Variants in SMCHD1 observed in about 807,000 individuals in gnomAD.
The protein encoded by SMCHD1 is structural maintenance of chromosomes flexible hinge domain containing 1, also known as structural maintenance of chromosomes flexible hinge domain-containing protein 1.
Under a neutral mutation model 254.7 loss-of-function variants are expected in SMCHD1, and 78 were observed. That is an observed-to-expected ratio of 0.31 (90% CI 0.26 to 0.37). SMCHD1 has a LOEUF of 0.37. SMCHD1 is among the 10% of genes least tolerant of loss of function. The probability of loss-of-function intolerance (pLI) is 1.00; values close to 1 mark genes in which losing one functional copy is unlikely to be tolerated. For missense variants in SMCHD1, 1,840 were observed against 2,408.1 expected, an observed-to-expected ratio of 0.76 and a Z score of 4.94; for synonymous variants, 766 against 794.9, an observed-to-expected ratio of 0.96 and a Z score of 0.61.
chr18:2,774,065 T>C (rs1420039853), intron 41 of SMCHD1, among the ~76,000 whole-genome samples: 2 of 152,226 alleles, frequency 1.3e-5, no homozygotes, highest in Admixed American at 1.3e-4. Flanking sequence ...CATTTCTTCC[T>C]TAATTCCAAA....
rs776456103 is a variant in SMCHD1 at position 2,750,063 on chromosome 18, G to T, written c.3948G>T (p.Gln1316His). The change falls in exon 31 of 48, where the codon CAG becomes CAT. Residue 1316 changes from glutamine to histidine, a missense_variant. Coordinates refer to ENST00000320876, the MANE Select transcript of SMCHD1 (RefSeq NM_015295.3). ...TTTAGCTCATGCCTTCAAACCAACAGCATAAAACAGATGAGAAAGGCAGGG... is the reference window on the plus strand; with the variant it reads ...TTTAGCTCATGCCTTCAAACCAACATCATAAAACAGATGAGAAAGGCAGGG... ...SNLKLMPSNQ[Q>H]HKTDEKGRAN... is the part of the protein sequence containing the mutation. 4 of 1,570,808 alleles carry T rather than the reference G, an allele frequency of 2.5e-6. No individual in the cohort carries two copies. The highest frequency in any genetic ancestry group is 3.5e-6 in the Non-Finnish European group (4 of 1,156,170).
chr18:2,707,541 T>G, intron 15 of SMCHD1, 22 bp from the exon 16 acceptor site: 1 of 1,485,696 alleles, frequency 6.7e-7, no homozygotes, highest in South Asian at 1.2e-5. Context: ...TGTGGAACAT[T>G]AATATGCTGG....
chr18:2,795,623 A>C (rs977790311), intron 45 of SMCHD1, among the ~76,000 whole-genome samples: 1 of 152,234 alleles, frequency 6.6e-6, no homozygotes, highest in Non-Finnish European at 1.5e-5. Flanking sequence ...ACATGGAATT[A>C]TATTGAATAC....
At chr18:2,660,476 T>G (rs969444837) in intron 1 of SMCHD1, among the ~76,000 whole-genome samples, 1 of 148,664 alleles carries the variant, frequency 6.7e-6, no homozygotes, top group Non-Finnish European at 1.5e-5. Flanking sequence ...TCCATGGTTT[T>G]TTTTTTTTTT....
intron 17 of SMCHD1, among the ~76,000 whole-genome samples, chr18:2,714,054 C>T (rs570752118): frequency 3.9e-5 from 6 of 152,140 alleles, no homozygotes; most frequent in Non-Finnish European, 5.9e-5. Flanking sequence ...TTTGTTGCAA[C>T]GTTTTCTATC....
At chr18:2,758,929 T>C (rs905709140) in intron 34 of SMCHD1, among the ~76,000 whole-genome samples, 1 of 152,170 alleles carries the variant, frequency 6.6e-6, no homozygotes, top group Non-Finnish European at 1.5e-5. Context: ...TGCCATTCTT[T>C]TACCTCTCTT....
intron 17 of SMCHD1, among the ~76,000 whole-genome samples, chr18:2,711,047 G>T (rs1278184478): frequency 7.9e-5 from 12 of 152,068 alleles, no homozygotes; most frequent in African/African-American, 2.9e-4. Flanking sequence ...CACAGTCGTG[G>T]CTTACTGCAG....
At chr18:2,662,517 C>T (rs1056934432) in intron 1 of SMCHD1, among the ~76,000 whole-genome samples, 10 of 151,720 alleles carry the variant, frequency 6.6e-5, no homozygotes, top group East Asian at 1.9e-4. Flanking sequence ...TGGTGGCACA[C>T]GCCTGTAGTC....
rs78255850 is a variant in SMCHD1 at position 2,694,281 on chromosome 18, T to G, written c.874-246T>G. 7.2e-4 allele frequency among the ~76,000 whole-genome samples: 110 copies of G among 152,344 alleles called. 1 individual carries two copies. The highest frequency in any genetic ancestry group is 5.8e-3 in the South Asian group (28 of 4,828). ...TTTTCGTTTATGATTCTAAAATCGG[T>G]TTAGCATTATAAGATAGGGTGCTCT... On this transcript the variant is annotated intron_variant, in intron 7 of 47. Coordinates refer to ENST00000320876, the MANE Select transcript of SMCHD1 (RefSeq NM_015295.3).
In SMCHD1 at chr18:2,694,528, C is replaced by T; in HGVS notation, c.875C>T (p.Pro292Leu). The T allele has an allele frequency of 1.3e-6, 2 of 1,572,898 alleles. No individual in the cohort carries two copies. The highest frequency in any genetic ancestry group is 1.7e-6 in the Non-Finnish European group (2 of 1,156,218). The change falls in exon 8 of 48, where the codon CCC becomes CTC. Residue 292 changes from proline to leucine, a missense_variant and splice_region_variant. Pro to Leu is a moderately conservative substitution (Grantham distance 98). Around this residue, in one of 9 missense-constraint regions of SMCHD1, gnomAD observed 498 missense variants for 743.5 expected, o/e 0.67. Transcript: ENST00000320876. Reference sequence around the variant, plus strand: ...TTGTATTTCTGTTCACTCTTGTAGCCCTCTGATTCTGTTCACATTACAAAT... The same window carrying T: ...TTGTATTTCTGTTCACTCTTGTAGCTCTCTGATTCTGTTCACATTACAAAT... ...IYSGYIRNRK[P>L]SDSVHITNDD...
At chr18:2,771,485 T>G in intron 39 of SMCHD1, 48 bp from the exon 40 acceptor site, 4 of 1,345,046 alleles carry the variant, frequency 3.0e-6, no homozygotes, top group Non-Finnish European at 4.1e-6. Flanking sequence ...AAAACTATGA[T>G]TTGGGGGCTA....
chr18:2,687,595 C>A (rs1568141471), intron 5 of SMCHD1, among the ~76,000 whole-genome samples: 1 of 152,042 alleles, frequency 6.6e-6, no homozygotes, highest in Non-Finnish European at 1.5e-5. Flanking sequence ...GAAGCCATGT[C>A]TTTTATTGGT....
At chr18:2,799,472 G>A (rs1184308610) in intron 47 of SMCHD1, among the ~76,000 whole-genome samples, 2 of 152,088 alleles carry the variant, frequency 1.3e-5, no homozygotes, top group East Asian at 3.9e-4. Context: ...TGTTTTAACT[G>A]TTAATTTTTA....
intron 41 of SMCHD1, among the ~76,000 whole-genome samples, chr18:2,772,967 TAAAG>T (rs1479139421): frequency 1.3e-5 from 2 of 152,234 alleles, no homozygotes; most frequent in African/African-American, 2.4e-5. Context: ...CATTTATACA[TAAAG>T]AAATTGAAAT....
chr18:2,755,813 C>T (rs757114419), intron 34 of SMCHD1, among the ~76,000 whole-genome samples: 2 of 151,984 alleles, frequency 1.3e-5, no homozygotes, highest in Non-Finnish European at 2.9e-5. Context: ...GTGATCCACC[C>T]GCCTTGGCCT....
rs2073038681 is a variant in SMCHD1, at chr18:2,655,940, A to T, written c.-136A>T. On this transcript the variant is annotated 5_prime_UTR_variant, in exon 1 of 48. Coordinates refer to ENST00000320876, the MANE Select transcript of SMCHD1 (RefSeq NM_015295.3). Reference sequence around the variant, plus strand: ...TGCCGCTGCTCGGCCGCCGCCGCTGACGAGGAGCTGCAGCGCGCCGGGCCG... The same window carrying T: ...TGCCGCTGCTCGGCCGCCGCCGCTGTCGAGGAGCTGCAGCGCGCCGGGCCG... 1.7e-6 allele frequency: 1 copy of T among 594,198 alleles called. No individual in the cohort carries two copies. The highest frequency in any genetic ancestry group is 2.4e-6 in the Non-Finnish European group (1 of 409,168). 36.8% of individuals were successfully genotyped at this position (594,198 alleles called of 1,614,324 possible).
intron 1 of SMCHD1, among the ~76,000 whole-genome samples, chr18:2,664,031 A>G (rs1481237457): frequency 6.6e-6 from 1 of 152,126 alleles, no homozygotes; most frequent in Non-Finnish European, 1.5e-5. Context: ...AGGATATTTT[A>G]AAGTAGAAAT....
At chr18:2,716,985 C>T (rs1445680588) in intron 17 of SMCHD1, among the ~76,000 whole-genome samples, 1 of 152,244 alleles carries the variant, frequency 6.6e-6, no homozygotes, top group African/African-American at 2.4e-5. Context: ...CCATATTACA[C>T]TTGCCTCTCA....
At chr18:2,746,321 T>C (rs939486607) in intron 29 of SMCHD1, among the ~76,000 whole-genome samples, 1 of 152,210 alleles carries the variant, frequency 6.6e-6, no homozygotes, top group Non-Finnish European at 1.5e-5. Flanking sequence ...TAGAAAACAT[T>C]AGCAGTTTGG....
Sources: gnomAD v4.1 joint callset for allele counts (sites outside exome capture counted in the v4.1 genomes callset) on GRCh38, gnomAD v4.1.1 for gene constraint, gnomAD v4.1.1 regional missense constraint, MANE v1.5 for transcripts, NCBI Gene and HGNC (gene_info 2026-07-23, HGNC 2026-07-21) for gene names.